RNGTT: variants seen among roughly 807,000 people sequenced by gnomAD.
The protein encoded by RNGTT is RNA guanylyltransferase and 5'-phosphatase.
A neutral mutation model predicts 79.3 loss-of-function variants in RNGTT; 33 were observed. The ratio of observed to expected loss-of-function variants is 0.42; its 90% CI spans 0.32 to 0.56. RNGTT has a LOEUF of 0.56. Among genes scored for constraint, RNGTT ranks in the 20% least tolerant of loss-of-function variants. The probability of loss-of-function intolerance (pLI) is 0.17; values close to 1 mark genes in which losing one functional copy is unlikely to be tolerated. For missense variants in RNGTT, 497 were observed against 739.1 expected, an observed-to-expected ratio of 0.67 and a Z score of 3.80; for synonymous variants, 222 against 235.9, an observed-to-expected ratio of 0.94 and a Z score of 0.54.
intron 2 of RNGTT, among the ~76,000 whole-genome samples, chr6:88,933,425 C>A (rs1784568814): frequency 6.6e-6 from 1 of 152,176 alleles, no homozygotes; most frequent in South Asian, 2.1e-4. Context: ...TGCCCACACA[C>A]CCTTCCCACC....
chr6:88,925,776 G>A (rs1229901031), intron 4 of RNGTT, among the ~76,000 whole-genome samples: 1 of 152,132 alleles, frequency 6.6e-6, no homozygotes, highest in Non-Finnish European at 1.5e-5. Flanking sequence ...AGGAGGCCAA[G>A]GCAGGAGGAT....
chr6:88,670,862 C>A (rs964303044), intron 14 of RNGTT, among the ~76,000 whole-genome samples: 15 of 152,124 alleles, frequency 9.9e-5, no homozygotes, highest in African/African-American at 3.6e-4. Flanking sequence ...TCTTGAGACG[C>A]GAGTCTACCA....
chr6:88,910,088 G>C (rs1562315325), intron 4 of RNGTT, among the ~76,000 whole-genome samples: 1 of 152,112 alleles, frequency 6.6e-6, no homozygotes, highest in South Asian at 2.1e-4. Context: ...AGAGTGTTTT[G>C]TTATTTCCAA....
intron 10 of RNGTT, among the ~76,000 whole-genome samples, chr6:88,845,783 G>C (rs777079492): frequency 3.5e-4 from 53 of 152,116 alleles, no homozygotes; most frequent in Non-Finnish European, 6.9e-4. Flanking sequence ...GGTAGCACAC[G>C]TTCTCTTTAC....
chr6:88,839,341 C>G (rs2127896511), intron 11 of RNGTT, among the ~76,000 whole-genome samples: 1 of 152,182 alleles, frequency 6.6e-6, no homozygotes, highest in Non-Finnish European at 1.5e-5. Flanking sequence ...GAGGCCGAGG[C>G]AGGCAGATCG....
chr6:88,800,650 AC>A (rs1457893741), intron 12 of RNGTT, among the ~76,000 whole-genome samples: 1 of 152,182 alleles, frequency 6.6e-6, no homozygotes, highest in East Asian at 1.9e-4. Context: ...CAAAACACAA[AC>A]CGCTAAACTC....
At chr6:88,646,759 C>T (rs892509157) in intron 14 of RNGTT, among the ~76,000 whole-genome samples, 54 of 152,094 alleles carry the variant, frequency 3.6e-4, no homozygotes, top group African/African-American at 1.2e-3. Context: ...AACCAAACAC[C>T]GCATGTTCTC....
intron 6 of RNGTT, among the ~76,000 whole-genome samples, chr6:88,902,690 CTTTTTT>C (rs71024315): frequency 2.4e-5 from 2 of 82,706 alleles, no homozygotes; most frequent in African/African-American, 4.9e-5. Flanking sequence ...ATAGTGAAAT[CTTTTTT>C]TTTTTTTTTT....
chr6:88,635,931 T>C (rs1253965872), intron 14 of RNGTT, among the ~76,000 whole-genome samples: 2 of 152,082 alleles, frequency 1.3e-5, no homozygotes, highest in African/African-American at 2.4e-5. Flanking sequence ...CATGGAGGGT[T>C]CTCAGCCTTC....
At position 88,767,803 on chromosome 6, in the gene RNGTT, C is replaced by T. The variant is rs952680434; in HGVS notation, c.1439+1971G>A. Among the ~76,000 whole-genome samples, 5 of 151,916 alleles carry T rather than the reference C, an allele frequency of 3.3e-5. No individual in the cohort carries two copies. The East Asian group carries it at 9.6e-4, about 29-fold the overall frequency. Reference sequence around the variant, plus strand: ...TCCAGAAGAACATATCAAACCTACACCCAACTTGCATGATTAGTGATAAAC... The same window carrying T: ...TCCAGAAGAACATATCAAACCTACATCCAACTTGCATGATTAGTGATAAAC... On this transcript the variant is annotated intron_variant, in intron 13 of 15. Transcript: ENST00000369485.
At chr6:88,698,960 A>G (rs188214250) in intron 13 of RNGTT, among the ~76,000 whole-genome samples, 94 of 152,324 alleles carry the variant, frequency 6.2e-4, no homozygotes, top group African/African-American at 2.2e-3. Context: ...TGTAGTACGC[A>G]TAACTCTAAA....
chr6:88,615,756 A>G (rs1772194237), intron 14 of RNGTT, among the ~76,000 whole-genome samples: 1 of 152,158 alleles, frequency 6.6e-6, no homozygotes, highest in African/African-American at 2.4e-5. Context: ...CAAGTTCCTA[A>G]TTTACTGGGT....
chr6:88,624,658 C>A (rs906824065), intron 14 of RNGTT, among the ~76,000 whole-genome samples: 1 of 151,664 alleles, frequency 6.6e-6, no homozygotes, highest in Non-Finnish European at 1.5e-5. Context: ...ATCTTTGTGA[C>A]CTAGGGTTAG....
chr6:88,728,091 A>G (rs1433716043), intron 13 of RNGTT, among the ~76,000 whole-genome samples: 1 of 152,234 alleles, frequency 6.6e-6, no homozygotes, highest in African/African-American at 2.4e-5. Flanking sequence ...GTCATGGGCC[A>G]TAGTCCCAAG....
At chr6:88,962,423 C>A (rs549696714) in intron 1 of RNGTT, among the ~76,000 whole-genome samples, 1 of 152,156 alleles carries the variant, frequency 6.6e-6, no homozygotes, top group African/African-American at 2.4e-5. Flanking sequence ...CTTGAGTCCA[C>A]GAGTTCAAGA....
intron 12 of RNGTT, among the ~76,000 whole-genome samples, chr6:88,788,336 G>C (rs1464166141): frequency 6.6e-6 from 1 of 151,984 alleles, no homozygotes; most frequent in Non-Finnish European, 1.5e-5. Flanking sequence ...GAGCTCGAAA[G>C]GGACCGCAAA....
intron 12 of RNGTT, among the ~76,000 whole-genome samples, chr6:88,791,722 GT>G (rs1433667351): frequency 6.6e-6 from 1 of 151,838 alleles, no homozygotes; most frequent in African/African-American, 2.4e-5. Flanking sequence ...TGTATTTTTA[GT>G]AGAGACAGGG....
chr6:88,903,303 C>A (rs1353824960), intron 6 of RNGTT, among the ~76,000 whole-genome samples: 1 of 152,022 alleles, frequency 6.6e-6, no homozygotes, highest in Non-Finnish European at 1.5e-5. Context: ...CCAGGGAGGT[C>A]AAGGCTGGGC....
chr6:88,700,521 A>G (rs367832325), intron 13 of RNGTT, among the ~76,000 whole-genome samples: 2 of 151,978 alleles, frequency 1.3e-5, no homozygotes, highest in African/African-American at 4.8e-5. Context: ...TTCTTCCATT[A>G]TGCCAGTTAA....
Sources: allele counts gnomAD v4.1 joint callset (sites outside exome capture counted in the v4.1 genomes callset), GRCh38; gene constraint gnomAD v4.1.1; transcripts MANE v1.5; gene names NCBI Gene and HGNC (gene_info 2026-07-23, HGNC 2026-07-21).